The following COL24A1 variants were observed in gnomAD, a reference collection of about 807,000 sequenced individuals.
COL24A1 encodes collagen type XXIV alpha 1 chain, also known as collagen alpha-1(XXIV) chain.
Under a neutral mutation model 253.9 loss-of-function variants are expected in COL24A1, and 224 were observed. That is an observed-to-expected ratio of 0.88 (90% CI 0.79 to 0.99). The LOEUF is 0.99. Ranked by LOEUF, COL24A1 falls within the 50% of genes least tolerant of loss-of-function variation. The pLI is 0.00. For synonymous variants in COL24A1, 685 were observed against 673.7 expected (o/e 1.02, Z -0.26); for missense variants, 2,131 against 2,068.5 (o/e 1.03, Z -0.59).
intron 14 of COL24A1, among the ~76,000 whole-genome samples, chr1:86,026,985 T>C (rs1414174886): frequency 3.3e-5 from 5 of 152,166 alleles, no homozygotes; most frequent in African/African-American, 1.2e-4. Flanking sequence ...TGGTGGCATT[T>C]TGCCCTGCCC....
chr1:86,130,815 A>AC (rs1649054213), intron 2 of COL24A1, among the ~76,000 whole-genome samples: 1 of 151,868 alleles, frequency 6.6e-6, no homozygotes, highest in South Asian at 2.1e-4. Flanking sequence ...TACCATTCCT[A>AC]CATTGTTAGT....
At chr1:85,829,312 T>C (rs12083384) in intron 43 of COL24A1, among the ~76,000 whole-genome samples, 55,769 of 150,998 alleles carry the variant, frequency 0.37, 11,073 homozygotes, top group Non-Finnish European at 0.43. Context: ...TGATGGGCTT[T>C]CCTTTGTGGG....
intron 46 of COL24A1, among the ~76,000 whole-genome samples, chr1:85,817,461 G>C (rs1673158133): frequency 6.6e-6 from 1 of 151,438 alleles, no homozygotes; most frequent in Non-Finnish European, 1.5e-5. Flanking sequence ...TTTTTTTCAA[G>C]CCAATACAAG....
intron 55 of COL24A1, among the ~76,000 whole-genome samples, chr1:85,754,320 A>T (rs1342552953): frequency 1.5e-5 from 1 of 64,668 alleles, no homozygotes; most frequent in Non-Finnish European, 3.2e-5. Context: ...TCTCACTCAT[A>T]GGTGGGAATT....
intron 47 of COL24A1, among the ~76,000 whole-genome samples, chr1:85,789,416 T>C (rs1481764337): frequency 3.3e-5 from 5 of 152,186 alleles, no homozygotes; most frequent in Non-Finnish European, 7.4e-5. Flanking sequence ...TTTTGTATCC[T>C]GAGACTTTGC....
rs375533202 is a variant in COL24A1 at position 85,995,871 on chromosome 1, T to C, written c.2311-8217A>G. ...CTCCGGCCACGTAAGATGTTTCTGCTTACCCTTTGCCTTCTACCATGGTTG... is the reference window on the plus strand; with the variant it reads ...CTCCGGCCACGTAAGATGTTTCTGCCTACCCTTTGCCTTCTACCATGGTTG... On this transcript the variant is annotated intron_variant, in intron 19 of 59. Transcript: ENST00000370571. Among the ~76,000 whole-genome samples, 3 of 152,302 alleles carry C rather than the reference T, an allele frequency of 2.0e-5. No homozygotes were observed. The East Asian group carries it at 5.8e-4, about 29-fold the overall frequency.
chr1:86,084,813 C>A lies in COL24A1; in HGVS notation c.1707+4361G>T, dbSNP rs537094013. Among the ~76,000 whole-genome samples the A allele has an allele frequency of 5.9e-5, 9 of 152,276 alleles. No homozygotes were observed. In the South Asian group the frequency reaches 8.3e-4, roughly 14 times the overall value. ...CTGGCTTGCCTGTTGGGGAGTTCAG[C>A]ACTGTGATACCTTGTTCTCAGCTTC... is the stretch of plus-strand genomic sequence containing the variant. On this transcript the variant is annotated intron_variant, in intron 7 of 59. Coordinates refer to ENST00000370571, the MANE Select transcript of COL24A1 (RefSeq NM_152890.7).
chr1:86,148,570 A>G (rs1310135968), intron 1 of COL24A1, among the ~76,000 whole-genome samples: 2 of 151,370 alleles, frequency 1.3e-5, no homozygotes, highest in South Asian at 2.1e-4. Flanking sequence ...TCATTGTTCA[A>G]TTCCCACCTA....
At chr1:86,040,528 C>T (rs1301130332) in intron 12 of COL24A1, among the ~76,000 whole-genome samples, 1 of 140,478 alleles carries the variant, frequency 7.1e-6, no homozygotes, top group Non-Finnish European at 1.5e-5. Flanking sequence ...AAGATAATTG[C>T]CATATTCCCA....
intron 2 of COL24A1, among the ~76,000 whole-genome samples, chr1:86,136,990 G>GAC (rs1650356297): frequency 2.6e-5 from 1 of 38,436 alleles, no homozygotes; most frequent in African/African-American, 1.0e-4. Flanking sequence ...GAGAACTGCA[G>GAC]ACAAAAAAAA....
chr1:86,036,304 C>A (rs1571691099), intron 12 of COL24A1, among the ~76,000 whole-genome samples: 1 of 152,010 alleles, frequency 6.6e-6, no homozygotes, highest in East Asian at 1.9e-4. Flanking sequence ...TATTGTTTCT[C>A]TTCTCACTTT....
At chr1:86,112,310 A>G (rs1046524913) in intron 5 of COL24A1, among the ~76,000 whole-genome samples, 2 of 152,164 alleles carry the variant, frequency 1.3e-5, no homozygotes, top group African/African-American at 4.8e-5. Context: ...CATATTTTTG[A>G]TAACAATGAT....
chr1:85,954,067 A>C (rs1351618076), intron 24 of COL24A1, among the ~76,000 whole-genome samples: 1 of 152,144 alleles, frequency 6.6e-6, no homozygotes, highest in Non-Finnish European at 1.5e-5. Context: ...GAAGTAATTT[A>C]TTGTTTTTAC....
At chr1:85,804,175 G>T (rs1465970674) in intron 47 of COL24A1, among the ~76,000 whole-genome samples, 1 of 152,082 alleles carries the variant, frequency 6.6e-6, no homozygotes, top group Non-Finnish European at 1.5e-5. Context: ...GACTAAAAGT[G>T]AAAAATTGAG....
chr1:85,892,788 C>T (rs1049646959), intron 31 of COL24A1, among the ~76,000 whole-genome samples: 1 of 151,980 alleles, frequency 6.6e-6, no homozygotes, highest in African/African-American at 2.4e-5. Context: ...ACATAAAATA[C>T]TTATTTTGTG....
intron 47 of COL24A1, among the ~76,000 whole-genome samples, chr1:85,787,227 C>T (rs570464194): frequency 1.2e-3 from 184 of 151,504 alleles, no homozygotes; most frequent in African/African-American, 2.5e-3. Flanking sequence ...TTTAAGTTTC[C>T]GGGTACATGC....
chr1:86,022,128 A>G (rs1697592844), intron 18 of COL24A1, 112 bp downstream of exon 18: 2 of 934,628 alleles, frequency 2.1e-6, no homozygotes, highest in Non-Finnish European at 3.5e-6. Context: ...TCTAAAACTA[A>G]GGAGACAAAT....
At chr1:86,025,665 G>C (rs566184237) in intron 14 of COL24A1, among the ~76,000 whole-genome samples, 1 of 152,318 alleles carries the variant, frequency 6.6e-6, no homozygotes, top group South Asian at 2.1e-4. Flanking sequence ...AAGCAGACAA[G>C]TTGTTTACTA....
intron 10 of COL24A1, among the ~76,000 whole-genome samples, chr1:86,055,520 G>A (rs1006398726): frequency 6.6e-6 from 1 of 152,188 alleles, no homozygotes; most frequent in South Asian, 2.1e-4. Flanking sequence ...ACAGTTATAT[G>A]GATCACTGAA....
Sources: allele counts gnomAD v4.1 joint callset (sites outside exome capture counted in the v4.1 genomes callset), GRCh38; gene constraint gnomAD v4.1.1; transcripts MANE v1.5; gene names NCBI Gene and HGNC (gene_info 2026-07-23, HGNC 2026-07-21).